UIMC1: variants seen among roughly 807,000 people sequenced by gnomAD.
UIMC1 encodes ubiquitin interaction motif containing 1.
A neutral mutation model predicts 84.9 loss-of-function variants in UIMC1; 42 were observed. That is an observed-to-expected ratio of 0.49 (90% CI 0.39 to 0.64). The LOEUF is 0.64. UIMC1 is among the 30% of genes least tolerant of loss of function. The pLI is 0.00. For synonymous variants in UIMC1, 281 were observed against 293.0 expected, an observed-to-expected ratio of 0.96 and a Z score of 0.42; for missense variants, 825 against 847.6, an observed-to-expected ratio of 0.97 and a Z score of 0.33.
intron 1 of UIMC1, among the ~76,000 whole-genome samples, chr5:177,001,158 T>C (rs1774391455): frequency 6.6e-6 from 1 of 152,196 alleles, no homozygotes; most frequent in African/African-American, 2.4e-5. Context: ...ATTTAATACA[T>C]TTAATACATT....
At chr5:176,953,525 C>CACACACAG (rs1338421603) in intron 8 of UIMC1, among the ~76,000 whole-genome samples, 1 of 151,774 alleles carries the variant, frequency 6.6e-6, no homozygotes. Context: ...CACACACACA[C>CACACACAG]ACACACCTTA....
chr5:177,000,498 C>CTTTTTTTTTTTTTTTT lies in UIMC1; in HGVS notation c.-9+6136_-9+6151dup, dbSNP rs966855813. 1.8e-4 allele frequency among the ~76,000 whole-genome samples: 20 copies of CTTTTTTTTTTTTTTTT among 113,356 alleles called. 1 individual carries two copies. Among genetic ancestry groups the CTTTTTTTTTTTTTTTT allele is most frequent in the African/African-American group, 7.6e-4 (19 of 25,088 alleles). 74.4% of individuals were successfully genotyped at this position (113,356 alleles called of 152,430 possible). ...ATATGCCTGTTTTCCACTTGCATGT[C>CTTTTTTTTTTTTTTTT]TTTTTTTTTTTTTTTTTTTGAGATG... On this transcript the variant is annotated intron_variant, in intron 1 of 14. Transcript: ENST00000511320.
intron 1 of UIMC1, among the ~76,000 whole-genome samples, chr5:177,004,002 G>C (rs1417729072): frequency 3.9e-5 from 6 of 152,054 alleles, no homozygotes; most frequent in Non-Finnish European, 4.4e-5. Context: ...CTAATTTTTT[G>C]TATTTTTTGT....
intron 1 of UIMC1, among the ~76,000 whole-genome samples, chr5:177,016,467 G>A (rs867448265): frequency 2.6e-5 from 4 of 151,842 alleles, no homozygotes; most frequent in African/African-American, 4.8e-5. Flanking sequence ...CGAGGCGGGC[G>A]GATCACGAGG....
At chr5:177,012,297 AG>A (rs1487043881) in intron 1 of UIMC1, among the ~76,000 whole-genome samples, 1 of 152,148 alleles carries the variant, frequency 6.6e-6, no homozygotes, top group African/African-American at 2.4e-5. Context: ...TGTCTCTCTT[AG>A]TGACATTACT....
intron 1 of UIMC1, among the ~76,000 whole-genome samples, chr5:177,014,057 CTTTTTTTTTT>C (rs34686520): frequency 8.2e-6 from 1 of 122,130 alleles, no homozygotes; most frequent in South Asian, 2.6e-4. Context: ...TTTTTCTTTT[CTTTTTTTTTT>C]TTTTTTTTTT....
intron 1 of UIMC1, among the ~76,000 whole-genome samples, chr5:177,013,334 C>G (rs568541123): frequency 6.7e-6 from 1 of 149,822 alleles, no homozygotes; most frequent in South Asian, 2.1e-4. Flanking sequence ...GCACTCTAGC[C>G]TGGACAACAG....
At chr5:176,958,976 T>C (rs1404203096) in intron 6 of UIMC1, among the ~76,000 whole-genome samples, 1 of 152,256 alleles carries the variant, frequency 6.6e-6, no homozygotes, top group East Asian at 1.9e-4. Context: ...GCTGAAGTTT[T>C]CAAGGTTTCC....
intron 10 of UIMC1, among the ~76,000 whole-genome samples, chr5:176,939,402 G>A (rs1232622640): frequency 6.6e-6 from 1 of 152,154 alleles, no homozygotes; most frequent in Admixed American, 6.5e-5. Flanking sequence ...ATGTAGTACA[G>A]TCATGTGCCA....
intron 6 of UIMC1, among the ~76,000 whole-genome samples, chr5:176,964,836 C>A (rs1264325767): frequency 6.6e-6 from 1 of 152,182 alleles, no homozygotes. Flanking sequence ...GGGCTTACAG[C>A]CAATTTGACA....
chr5:176,974,775 C>CA (rs1581603221), intron 3 of UIMC1, among the ~76,000 whole-genome samples: 1 of 151,578 alleles, frequency 6.6e-6, no homozygotes, highest in African/African-American at 2.4e-5. Flanking sequence ...ATCACGCCAG[C>CA]ACACTCAGCC....
chr5:176,977,599 A>G lies in UIMC1; in HGVS notation c.148-2119T>C, dbSNP rs1217321201. Among the ~76,000 whole-genome samples, 16 of 111,824 alleles carry G rather than the reference A, an allele frequency of 1.4e-4. 1 individual carries two copies. Among genetic ancestry groups the G allele is most frequent in the East Asian group, 6.1e-4 (3 of 4,946 alleles). 73.4% of individuals were successfully genotyped at this position (111,824 alleles called of 152,430 possible). On this transcript the variant is annotated intron_variant, in intron 2 of 14. Coordinates refer to ENST00000511320, the MANE Select transcript of UIMC1 (RefSeq NM_001199298.2). ...CTCCATCTCAAAAAAAAAAAAAAAG[A>G]AAAGAAAAAAAAAAACAGAAACAAA...
chr5:176,972,714 C>T (rs942730577), intron 3 of UIMC1, among the ~76,000 whole-genome samples: 22 of 151,826 alleles, frequency 1.4e-4, no homozygotes, highest in African/African-American at 4.3e-4. Flanking sequence ...CTAACCTGGG[C>T]GACAGAACAA....
At chr5:176,942,977 G>A (rs184275416) in intron 10 of UIMC1, among the ~76,000 whole-genome samples, 291 of 152,246 alleles carry the variant, frequency 1.9e-3, no homozygotes, top group African/African-American at 6.8e-3. Flanking sequence ...CGTGAGAATC[G>A]TTTGAACCTG....
chr5:176,989,838 C>A (rs960857421), intron 1 of UIMC1, among the ~76,000 whole-genome samples: 15 of 151,942 alleles, frequency 9.9e-5, no homozygotes, highest in Non-Finnish European at 2.2e-4. Flanking sequence ...ATGTTTGTGT[C>A]CCTCCAAAAT....
intron 10 of UIMC1, among the ~76,000 whole-genome samples, chr5:176,927,012 C>T (rs1056748295): frequency 6.6e-6 from 1 of 152,056 alleles, no homozygotes; most frequent in African/African-American, 2.4e-5. Flanking sequence ...AGAGTTACTG[C>T]ATAAGCGCAT....
chr5:176,958,873 A>T (rs1766944082), intron 6 of UIMC1, among the ~76,000 whole-genome samples: 1 of 152,260 alleles, frequency 6.6e-6, no homozygotes, highest in South Asian at 2.1e-4. Context: ...CATGCACAGA[A>T]GATCACAGAA....
intron 6 of UIMC1, among the ~76,000 whole-genome samples, chr5:176,966,321 C>T (rs1409335723): frequency 1.3e-5 from 2 of 152,160 alleles, no homozygotes; most frequent in Non-Finnish European, 2.9e-5. Flanking sequence ...ACTGTATAGA[C>T]GTGAAACTGG....
At chr5:176,967,718 C>A (rs1022375348) in intron 6 of UIMC1, among the ~76,000 whole-genome samples, 1 of 151,906 alleles carries the variant, frequency 6.6e-6, no homozygotes, top group African/African-American at 2.4e-5. Flanking sequence ...GCCTGGGCAA[C>A]AAAGTGAAAC....
Sources: gnomAD v4.1 joint callset for allele counts (sites outside exome capture counted in the v4.1 genomes callset) on GRCh38, gnomAD v4.1.1 for gene constraint, MANE v1.5 for transcripts, NCBI Gene and HGNC (gene_info 2026-07-23, HGNC 2026-07-21) for gene names.